Variants in EP300 observed in about 807,000 individuals in gnomAD.
EP300 encodes histone acetyltransferase p300.
In EP300, 31 loss-of-function variants were observed where a neutral mutation model predicts 264.0. That is an observed-to-expected ratio of 0.12 (90% CI 0.09 to 0.16). The LOEUF (loss-of-function observed/expected upper bound fraction) is 0.16. Ranked by LOEUF, EP300 falls within the 10% of genes least tolerant of loss-of-function variation. The pLI is 1.00. For synonymous variants in EP300, 1,340 were observed against 1,045.4 expected, an observed-to-expected ratio of 1.28 and a Z score of -5.44; for missense variants, 2,766 against 3,052.9, an observed-to-expected ratio of 0.91 and a Z score of 2.21.
chr22:41,137,513 TTC>T, intron 7 of EP300, 138 bp from the exon 8 acceptor site: 1 of 1,120,434 alleles, frequency 8.9e-7, no homozygotes, highest in South Asian at 1.4e-5. Context: ...AGTCACACAC[TTC>T]TCCCTGCCTA....
chr22:41,093,147 C>T (rs1460529238), intron 1 of EP300, 49 bp downstream of exon 1: 8 of 1,554,484 alleles, frequency 5.1e-6, no homozygotes, highest in South Asian at 2.2e-5. Context: ...ATCTTTTCTA[C>T]TCGGTGCGCC....
intron 10 of EP300, 114 bp downstream of exon 10, chr22:41,141,336 C>A: frequency 8.4e-7 from 1 of 1,186,780 alleles, no homozygotes; most frequent in Non-Finnish European, 1.2e-6. Flanking sequence ...TTTTAAATAA[C>A]CATTTGCCTT....
intron 10 of EP300, 21 bp downstream of exon 10, chr22:41,141,243 T>A (rs1442769593): frequency 1.2e-6 from 2 of 1,609,090 alleles, no homozygotes; most frequent in Non-Finnish European, 1.7e-6. Flanking sequence ...TTTGTTATAT[T>A]TCTGTTTGAG....
intron 6 of EP300, 107 bp downstream of exon 6, chr22:41,131,740 T>C (rs2058920988): frequency 6.5e-7 from 1 of 1,543,582 alleles, no homozygotes; most frequent in Non-Finnish European, 8.9e-7. Flanking sequence ...CATGATTTTT[T>C]AAGTAATTTT....
chr22:41,108,252 T>TTTC, intron 1 of EP300, among the ~76,000 whole-genome samples: 1 of 145,340 alleles, frequency 6.9e-6, no homozygotes, highest in African/African-American at 2.5e-5. Context: ...TTCTTTTTTT[T>TTTC]TTTTTTTTTT....
At chr22:41,138,393 A>G (rs752505493) in intron 8 of EP300, among the ~76,000 whole-genome samples, 4 of 152,132 alleles carry the variant, frequency 2.6e-5, no homozygotes, top group Non-Finnish European at 4.4e-5. Flanking sequence ...CAAATTCCTG[A>G]CATCAAGTGA....
chr22:41,094,853 G>C (rs1409794354), intron 1 of EP300, among the ~76,000 whole-genome samples: 2 of 152,038 alleles, frequency 1.3e-5, no homozygotes, highest in African/African-American at 4.8e-5. Context: ...GAGCAGTTTC[G>C]TCTTGGAGCT....
rs540669443 is a variant in EP300 at position 41,139,812 on chromosome 22, A to G, written c.1761-328A>G. Reference sequence around the variant, plus strand: ...AGCTAAATAATAAATTTAGAAGAGCAGATGGAACTCTGAAGGCTACTTGAT... The same window carrying G: ...AGCTAAATAATAAATTTAGAAGAGCGGATGGAACTCTGAAGGCTACTTGAT... On this transcript the variant is annotated intron_variant, in intron 8 of 30. Transcript: ENST00000263253. 1.8e-4 allele frequency among the ~76,000 whole-genome samples: 27 copies of G among 152,348 alleles called. No homozygotes were observed. In the South Asian group the frequency reaches 5.4e-3, roughly 30 times the overall value.
At position 41,177,271 on chromosome 22, in the gene EP300, A is replaced by G. The variant is rs2059206124; in HGVS notation, c.5560A>G (p.Thr1854Ala). 6.2e-7 allele frequency: 1 copy of G among 1,613,534 alleles called. No individual in the cohort carries two copies. The highest frequency in any genetic ancestry group is 1.3e-5 in the African/African-American group (1 of 74,750). ...GGGCCTCCCTTCCCCCACTCCTGCC[A>G]CTCCAACGACACCAACTGGCCAACA... ...QQGLPSPTPATPTTPTGQQPT... is the reference protein window; with the variant it reads ...QQGLPSPTPAAPTTPTGQQPT... The change falls in exon 31 of 31, where the codon ACT (threonine) becomes GCT (alanine). Residue 1854 changes from threonine (T) to alanine (A), a missense_variant. Thr to Ala is a moderately conservative substitution (Grantham distance 58). Coordinates refer to ENST00000263253, the MANE Select transcript of EP300 (RefSeq NM_001429.4).
At chr22:41,127,036 G>A (rs60536577) in intron 3 of EP300, among the ~76,000 whole-genome samples, 1,610 of 152,114 alleles carry the variant, frequency 0.011, 37 homozygotes, top group African/African-American at 0.037. Flanking sequence ...GAGCCACCGC[G>A]CCCGGCCTGA....
At chr22:41,130,376 G>T (rs1231372010) in intron 5 of EP300, among the ~76,000 whole-genome samples, 1 of 151,894 alleles carries the variant, frequency 6.6e-6, no homozygotes, top group African/African-American at 2.4e-5. Context: ...AACTTAGCAA[G>T]ACCTTGTATC....
intron 12 of EP300, 131 bp downstream of exon 12, chr22:41,148,077 G>A (rs2059022754): frequency 5.6e-6 from 4 of 713,346 alleles, no homozygotes; most frequent in Non-Finnish European, 9.1e-6. Context: ...TAATTCTTCT[G>A]TATTTAACTC....
At chr22:41,158,566 G>A (rs919732873) in intron 19 of EP300, 66 bp downstream of exon 19, 4 of 1,252,006 alleles carry the variant, frequency 3.2e-6, no homozygotes, top group Non-Finnish European at 3.5e-6. Flanking sequence ...ATGCGGATGG[G>A]CCAGCACACA....
intron 1 of EP300, among the ~76,000 whole-genome samples, chr22:41,112,876 A>G (rs1195444011): frequency 6.6e-6 from 1 of 152,062 alleles, no homozygotes; most frequent in Non-Finnish European, 1.5e-5. Flanking sequence ...CTGGCTTCCC[A>G]TGTGCCTATT....
At chr22:41,158,692 A>T (rs2059091259) in intron 19 of EP300, 192 bp downstream of exon 19, 1 of 579,820 alleles carries the variant, frequency 1.7e-6, no homozygotes, top group African/African-American at 1.9e-5. Context: ...GTAGCCTTGC[A>T]TCAGTTACCT....
intron 10 of EP300, among the ~76,000 whole-genome samples, chr22:41,146,025 T>C (rs2059008786): frequency 6.6e-6 from 1 of 152,184 alleles, no homozygotes; most frequent in Non-Finnish European, 1.5e-5. Flanking sequence ...TTTATGTGCA[T>C]AAAAACGTTG....
At chr22:41,111,487 GTTATA>G (rs1277554945) in intron 1 of EP300, among the ~76,000 whole-genome samples, 2 of 152,154 alleles carry the variant, frequency 1.3e-5, no homozygotes, top group Admixed American at 6.5e-5. Flanking sequence ...TATGTCAACA[GTTATA>G]TTATCTACAG....
At chr22:41,134,947 G>A (rs1393167640) in intron 6 of EP300, among the ~76,000 whole-genome samples, 2 of 150,938 alleles carry the variant, frequency 1.3e-5, no homozygotes, top group Admixed American at 6.6e-5. Flanking sequence ...TCACTCTGTC[G>A]CCCAGGCTGG....
At chr22:41,162,868 T>C in intron 21 of EP300, 89 bp downstream of exon 21, 1 of 1,116,478 alleles carries the variant, frequency 9.0e-7, no homozygotes, top group Non-Finnish European at 1.4e-6. Flanking sequence ...AATCAGATGA[T>C]CCTATATTCT....
Sources: allele counts gnomAD v4.1 joint callset (sites outside exome capture counted in the v4.1 genomes callset), GRCh38; gene constraint gnomAD v4.1.1; transcripts MANE v1.5; gene names NCBI Gene and HGNC (gene_info 2026-07-23, HGNC 2026-07-21).